The following TUSC3 variants were observed in gnomAD, a reference collection of about 807,000 sequenced individuals.
TUSC3 encodes the protein tumor suppressor candidate 3.
TUSC3 carries 45 observed loss-of-function variants against 44.8 expected under a neutral mutation model. That is an observed-to-expected ratio of 1.00 (90% CI 0.79 to 1.29). The LOEUF is 1.29. TUSC3 is among the 50% of genes most tolerant of loss of function. The probability of loss-of-function intolerance (pLI) is 0.00; values close to 1 mark genes in which losing one functional copy is unlikely to be tolerated. For missense variants in TUSC3, 519 were observed against 437.9 expected, an observed-to-expected ratio of 1.19 and a Z score of -1.65; for synonymous variants, 212 against 152.9, an observed-to-expected ratio of 1.39 and a Z score of -2.85.
chr8:15,721,922 A>G (rs886519101), intron 6 of TUSC3, among the ~76,000 whole-genome samples: 4 of 151,938 alleles, frequency 2.6e-5, no homozygotes, highest in Non-Finnish European at 4.4e-5. Flanking sequence ...AATATATAGT[A>G]TAGTATACTA....
At chr8:15,452,572 G>A (rs886924163) in intron 1 of TUSC3, among the ~76,000 whole-genome samples, 1 of 152,122 alleles carries the variant, frequency 6.6e-6, no homozygotes, top group Admixed American at 6.5e-5. Flanking sequence ...CTAGTGGGAG[G>A]AGGGGAAAGC....
chr8:15,740,973 A>G (rs7826764), intron 7 of TUSC3, among the ~76,000 whole-genome samples: 12,411 of 152,272 alleles, frequency 0.082, 647 homozygotes, highest in East Asian at 0.15. Flanking sequence ...AAGCAATTCA[A>G]ATGAGAAACA....
chr8:15,709,807 C>G (rs1186309706), intron 6 of TUSC3, among the ~76,000 whole-genome samples: 1 of 151,862 alleles, frequency 6.6e-6, no homozygotes, highest in East Asian at 1.9e-4. Flanking sequence ...CTAGACCTGT[C>G]TAACTGCGTA....
the TUSC3 span, among the ~76,000 whole-genome samples, chr8:15,849,601 G>C: frequency 6.6e-6 from 1 of 152,104 alleles, no homozygotes; most frequent in Non-Finnish European, 1.5e-5. Flanking sequence ...TTTCAACTGG[G>C]CATCCTTGGG....
downstream of TUSC3, among the ~76,000 whole-genome samples, chr8:15,769,121 A>G (rs1179421683): frequency 6.6e-6 from 1 of 152,292 alleles, no homozygotes; most frequent in South Asian, 2.1e-4. Flanking sequence ...AACCAAGACA[A>G]TCTTAAGCAA....
chr8:15,625,456 A>G (rs1805459898), intron 2 of TUSC3, among the ~76,000 whole-genome samples: 1 of 152,186 alleles, frequency 6.6e-6, no homozygotes, highest in African/African-American at 2.4e-5. Context: ...TTCCAGTAAA[A>G]TCATCTGGGT....
chr8:15,813,850 G>C, the TUSC3 span, among the ~76,000 whole-genome samples: 1 of 152,054 alleles, frequency 6.6e-6, no homozygotes, highest in Non-Finnish European at 1.5e-5. Context: ...TGAGGCAGTG[G>C]GATGAAGTGG....
chr8:15,505,630 C>T (rs1409606184), intron 2 of TUSC3, among the ~76,000 whole-genome samples: 1 of 152,168 alleles, frequency 6.6e-6, no homozygotes, highest in Non-Finnish European at 1.5e-5. Flanking sequence ...ACCCAGGCTT[C>T]TCCCTGGAGA....
intron 1 of TUSC3, among the ~76,000 whole-genome samples, chr8:15,479,837 A>G (rs112459610): frequency 6.6e-6 from 1 of 152,032 alleles, no homozygotes; most frequent in Non-Finnish European, 1.5e-5. Flanking sequence ...AGCGTATTCA[A>G]ATAAGAAGAG....
At chr8:15,660,953 A>G (rs1807396292) in intron 4 of TUSC3, among the ~76,000 whole-genome samples, 1 of 151,568 alleles carries the variant, frequency 6.6e-6, no homozygotes, top group South Asian at 2.1e-4. Flanking sequence ...ACAATTTCTA[A>G]AATGTTTTAG....
the TUSC3 span, among the ~76,000 whole-genome samples, chr8:15,800,421 A>T: frequency 6.6e-6 from 1 of 152,100 alleles, no homozygotes; most frequent in East Asian, 1.9e-4. Context: ...AAAAATACAC[A>T]AATTAGCCGG....
chr8:15,782,371 T>A, the TUSC3 span, among the ~76,000 whole-genome samples: 3 of 151,982 alleles, frequency 2.0e-5, no homozygotes, highest in East Asian at 5.8e-4. Flanking sequence ...CATAGCTACT[T>A]GTAAGGGTGA....
intron 1 of TUSC3, among the ~76,000 whole-genome samples, chr8:15,572,513 G>A (rs1458395780): frequency 1.3e-5 from 2 of 152,136 alleles, no homozygotes; most frequent in Non-Finnish European, 2.9e-5. Flanking sequence ...TACCATTGAT[G>A]TGTTCACTGG....
intron 1 of TUSC3, among the ~76,000 whole-genome samples, chr8:15,432,120 C>G (rs1254585883): frequency 1.3e-5 from 2 of 151,806 alleles, no homozygotes; most frequent in Non-Finnish European, 2.9e-5. Flanking sequence ...TAAAACTGGT[C>G]TCATAAAATG....
chr8:15,600,581 A>T (rs943276359), intron 1 of TUSC3, among the ~76,000 whole-genome samples: 5 of 151,726 alleles, frequency 3.3e-5, no homozygotes, highest in Admixed American at 6.6e-5. Context: ...AGTGGGTTAC[A>T]GATTAAAATA....
At chr8:15,779,707 TA>T in the TUSC3 span, among the ~76,000 whole-genome samples, 1 of 152,194 alleles carries the variant, frequency 6.6e-6, no homozygotes, top group Non-Finnish European at 1.5e-5. Flanking sequence ...TGCGTGTTTT[TA>T]AAAAGATCAG....
At chr8:15,535,833 A>G (rs1801514609), upstream of TUSC3, among the ~76,000 whole-genome samples, 1 of 152,128 alleles carries the variant, frequency 6.6e-6, no homozygotes, top group South Asian at 2.1e-4. Context: ...GTGTTGGGAG[A>G]TCAGAGCCTT....
intron 6 of TUSC3, among the ~76,000 whole-genome samples, chr8:15,694,803 G>C (rs1809087543): frequency 6.6e-6 from 1 of 152,100 alleles, no homozygotes; most frequent in South Asian, 2.1e-4. Flanking sequence ...TGGAGGGGGT[G>C]AGTTGTTCCC....
At chr8:15,755,638 G>A (rs558349776) in intron 9 of TUSC3, among the ~76,000 whole-genome samples, 1 of 151,880 alleles carries the variant, frequency 6.6e-6, no homozygotes, top group East Asian at 1.9e-4. Context: ...AATGCAAAAT[G>A]AAGACATTGA....
Sources: allele counts gnomAD v4.1 joint callset (sites outside exome capture counted in the v4.1 genomes callset), GRCh38; gene constraint gnomAD v4.1.1; transcripts MANE v1.5; gene names NCBI Gene and HGNC (gene_info 2026-07-23, HGNC 2026-07-21).